NAV2: variants seen among roughly 807,000 people sequenced by gnomAD.
NAV2 encodes the protein helicase, APC down-regulated 1.
NAV2 carries 54 observed loss-of-function variants against 223.2 expected under a neutral mutation model. That is an observed-to-expected ratio of 0.24 (90% confidence interval 0.19 to 0.30). The LOEUF is 0.30. NAV2 is among the 10% of genes least tolerant of loss of function. The pLI is 1.00. For synonymous variants in NAV2, 1,279 were observed against 1,239.3 expected (o/e 1.03, Z -0.67); for missense variants, 2,806 against 3,147.5 (o/e 0.89, Z 2.60).
At chr11:19,807,438 T>G (rs555237792) in intron 1 of NAV2, among the ~76,000 whole-genome samples, 9 of 152,366 alleles carry the variant, frequency 5.9e-5, no homozygotes, top group Admixed American at 5.2e-4. Flanking sequence ...CTTTCTTTTT[T>G]GGGGCACATT....
Position 19,432,318 on chromosome 11 carries a change from T to G in NAV2, c.75+81291T>G, listed in dbSNP as rs142182898. Among the ~76,000 whole-genome samples the G allele has an allele frequency of 2.0e-3, 306 of 152,278 alleles. 3 individuals are homozygous for G. The highest frequency in any genetic ancestry group is 7.1e-3 in the African/African-American group (293 of 41,560). On this transcript the variant is annotated intron_variant, in intron 1 of 37. Coordinates refer to the NAV2 transcript ENST00000360655. ...TCCTGTGGCCCACCCCTGTCATCAT[T>G]GTTAATTGATGTTTATTGATTAGGG...
At chr11:19,889,787 G>T (rs187121358) in intron 5 of NAV2, among the ~76,000 whole-genome samples, 14 of 152,330 alleles carry the variant, frequency 9.2e-5, no homozygotes, top group Non-Finnish European at 1.5e-4. Context: ...CCAAGTATAA[G>T]ATCTCAGTCA....
chr11:20,042,214 A>C (rs10833229), intron 12 of NAV2, among the ~76,000 whole-genome samples: 85,964 of 152,108 alleles, frequency 0.57, 24,799 homozygotes, highest in East Asian at 0.75. Flanking sequence ...GATTGAGATA[A>C]AGATAACAGT....
intron 1 of NAV2, among the ~76,000 whole-genome samples, chr11:19,399,721 G>C (rs1849606222): frequency 4.6e-5 from 7 of 152,246 alleles, no homozygotes; most frequent in Admixed American, 3.9e-4. Flanking sequence ...GAGGCTTAGA[G>C]AGATTAAAAT....
chr11:19,715,933 C>T (rs767201611), intron 1 of NAV2, among the ~76,000 whole-genome samples: 3 of 152,194 alleles, frequency 2.0e-5, no homozygotes, highest in Non-Finnish European at 4.4e-5. Context: ...CCCAGGGGTT[C>T]TGGGGGCTCT....
chr11:19,603,208 A>G (rs999630312), intron 1 of NAV2, among the ~76,000 whole-genome samples: 1 of 152,148 alleles, frequency 6.6e-6, no homozygotes, highest in Non-Finnish European at 1.5e-5. Context: ...TAAAATTTGT[A>G]TTGTAAGCAG....
intron 25 of NAV2, among the ~76,000 whole-genome samples, chr11:20,082,380 C>T (rs2060144904): frequency 6.6e-6 from 1 of 152,176 alleles, no homozygotes; most frequent in African/African-American, 2.4e-5. Context: ...GACTCCCCAA[C>T]CTGCTATTCC....
intron 1 of NAV2, among the ~76,000 whole-genome samples, chr11:19,789,968 C>A (rs1009292537): frequency 7.2e-5 from 11 of 152,214 alleles, no homozygotes; most frequent in African/African-American, 2.7e-4. Flanking sequence ...GACTTTGAAT[C>A]TGGGAAAATG....
chr11:20,016,057 G>A (rs571160736), intron 11 of NAV2, among the ~76,000 whole-genome samples: 36 of 152,296 alleles, frequency 2.4e-4, no homozygotes, highest in South Asian at 4.1e-4. Flanking sequence ...GGATAATAAC[G>A]CGTGTTAGAA....
intron 1 of NAV2, among the ~76,000 whole-genome samples, chr11:19,471,990 G>A (rs1304038241): frequency 6.6e-6 from 1 of 152,202 alleles, no homozygotes; most frequent in Non-Finnish European, 1.5e-5. Flanking sequence ...GGGATAACGT[G>A]TACTTATCCC....
At chr11:19,385,753 CT>C (rs201669772) in intron 1 of NAV2, among the ~76,000 whole-genome samples, 3 of 112,780 alleles carry the variant, frequency 2.7e-5, no homozygotes, top group African/African-American at 1.1e-4. Context: ...AATATAGCTC[CT>C]TTTTTTTTTT....
chr11:19,480,318 C>T (rs2042240432), intron 1 of NAV2, among the ~76,000 whole-genome samples: 1 of 151,954 alleles, frequency 6.6e-6, no homozygotes, highest in Non-Finnish European at 1.5e-5. Context: ...GGGACACTAC[C>T]CATTTATTTG....
Position 20,095,686 on chromosome 11 carries a change from T to C in NAV2, c.5931T>C (p.His1977=), listed in dbSNP as rs2289566. The change falls in exon 30 of 38, where the codon CAT becomes CAC. Residue 1977 remains histidine, a synonymous_variant. Coordinates refer to ENST00000349880, the MANE Select transcript of NAV2 (RefSeq NM_145117.5). ...CTTACCCTTAGGATTCCAGACCACATCTCTTTCTTATTGGCTGCATTGGAG... is the reference window on the plus strand; with the variant it reads ...CTTACCCTTAGGATTCCAGACCACACCTCTTTCTTATTGGCTGCATTGGAG... The part of the protein sequence containing the change: ...EMKWKEDSRP[H]LFLIGCIGVS... The C allele has an allele frequency of 0.32, 508,621 of 1,610,452 alleles. 93,221 individuals are homozygous for C. Among genetic ancestry groups the C allele is most frequent in the East Asian group, 0.89 (40,139 of 44,854 alleles).
At chr11:19,702,179 T>C (rs746121839) in intron 1 of NAV2, among the ~76,000 whole-genome samples, 11 of 152,192 alleles carry the variant, frequency 7.2e-5, no homozygotes, top group Non-Finnish European at 1.2e-4. Flanking sequence ...GGCACTTCTG[T>C]AGACAATGAT....
At chr11:19,610,988 T>C (rs900009827) in intron 1 of NAV2, among the ~76,000 whole-genome samples, 1 of 152,202 alleles carries the variant, frequency 6.6e-6, no homozygotes, top group African/African-American at 2.4e-5. Context: ...TTCATGCTGC[T>C]GATAAAGACA....
At chr11:19,794,663 A>G (rs1056426237) in intron 1 of NAV2, among the ~76,000 whole-genome samples, 1 of 152,006 alleles carries the variant, frequency 6.6e-6, no homozygotes, top group Admixed American at 6.6e-5. Flanking sequence ...TTTGTTCCTA[A>G]TCTTTCCTGT....
chr11:19,595,722 TAA>T (rs67079641), intron 1 of NAV2, among the ~76,000 whole-genome samples: 17 of 147,970 alleles, frequency 1.1e-4, no homozygotes, highest in Admixed American at 2.7e-4. Context: ...GAAGGCTAAT[TAA>T]AAAAAAAAAA....
Position 19,984,257 on chromosome 11 carries a change from C to A in NAV2, c.2768+10C>A. 1.2e-6 allele frequency: 2 copies of A among 1,613,968 alleles called. No homozygotes were observed. Among genetic ancestry groups the A allele is most frequent in the South Asian group, 2.2e-5 (2 of 91,066 alleles). On this transcript the variant is annotated intron_variant, in intron 11 of 37. Transcript: ENST00000349880. ...TCGGAGACGCTGACAGGTAAGCTTGCTGCACTTGGGGCTGGTCAGATGCAG... is the reference window on the plus strand; with the variant it reads ...TCGGAGACGCTGACAGGTAAGCTTGATGCACTTGGGGCTGGTCAGATGCAG...
intron 1 of NAV2, among the ~76,000 whole-genome samples, chr11:19,726,879 A>C (rs569084240): frequency 6.6e-6 from 1 of 152,324 alleles, no homozygotes; most frequent in East Asian, 1.9e-4. Flanking sequence ...CCCCTTCAGA[A>C]GAAGAATCTA....
Sources: allele counts gnomAD v4.1 joint callset (sites outside exome capture counted in the v4.1 genomes callset), GRCh38; gene constraint gnomAD v4.1.1; transcripts MANE v1.5; gene names NCBI Gene and HGNC (gene_info 2026-07-23, HGNC 2026-07-21).